The following KIAA1328 variants were observed in gnomAD, a reference collection of about 807,000 sequenced individuals.
KIAA1328 encodes the protein KIAA1328.
A neutral mutation model predicts 68.1 loss-of-function variants in KIAA1328; 52 were observed. The observed-to-expected ratio is 0.76, with a 90% CI of 0.61 to 0.96. The LOEUF (loss-of-function observed/expected upper bound fraction) is 0.96, where lower values mean the gene tolerates loss of function less well. Among genes scored for constraint, KIAA1328 ranks in the 40% least tolerant of loss-of-function variants. The pLI is 0.00. For missense variants in KIAA1328, 641 were observed against 677.6 expected, an observed-to-expected ratio of 0.95 and a Z score of 0.60; for synonymous variants, 232 against 239.4, an observed-to-expected ratio of 0.97 and a Z score of 0.28.
chr18:37,170,910 A>C (rs1450752853), intron 8 of KIAA1328, among the ~76,000 whole-genome samples: 2 of 152,202 alleles, frequency 1.3e-5, no homozygotes, highest in Admixed American at 1.3e-4. Flanking sequence ...GGCTAGGACC[A>C]GACTAAGGCC....
intron 6 of KIAA1328, among the ~76,000 whole-genome samples, chr18:37,020,219 G>A (rs117226752): frequency 3.0e-4 from 45 of 152,122 alleles, no homozygotes; most frequent in African/African-American, 8.0e-4. Context: ...TGCCTCCCGC[G>A]TTGAGCGATC....
chr18:37,000,124 G>A (rs1383322073), intron 6 of KIAA1328, among the ~76,000 whole-genome samples: 2 of 152,002 alleles, frequency 1.3e-5, no homozygotes, highest in East Asian at 3.9e-4. Context: ...CACCTAACTT[G>A]TAAAGACACA....
intron 6 of KIAA1328, among the ~76,000 whole-genome samples, chr18:36,979,097 T>C (rs1391462180): frequency 6.6e-6 from 1 of 152,082 alleles, no homozygotes; most frequent in African/African-American, 2.4e-5. Context: ...AGTTCAAGGC[T>C]ACAGTGAGCT....
chr18:36,914,912 A>G (rs997511191), intron 5 of KIAA1328, among the ~76,000 whole-genome samples: 1 of 152,186 alleles, frequency 6.6e-6, no homozygotes, highest in Admixed American at 6.5e-5. Context: ...TTATGAAAGA[A>G]ATGAACAGAT....
intron 6 of KIAA1328, among the ~76,000 whole-genome samples, chr18:36,963,644 T>C (rs1402859043): frequency 1.3e-5 from 2 of 152,234 alleles, no homozygotes; most frequent in African/African-American, 4.8e-5. Flanking sequence ...TTGTGAATAC[T>C]GTAAACCTCA....
intron 7 of KIAA1328, among the ~76,000 whole-genome samples, chr18:37,100,910 G>T (rs912711982): frequency 6.6e-6 from 1 of 152,166 alleles, no homozygotes; most frequent in African/African-American, 2.4e-5. Flanking sequence ...AGGCAAACAG[G>T]GTCTGGAGTG....
At chr18:37,006,911 T>A (rs940630925) in intron 6 of KIAA1328, among the ~76,000 whole-genome samples, 4 of 152,194 alleles carry the variant, frequency 2.6e-5, no homozygotes, top group African/African-American at 9.7e-5. Flanking sequence ...CAGTTTTTGT[T>A]ATGACTCACA....
rs1000169127 is a variant in KIAA1328, at chr18:37,078,059, T to C, written c.1232+10514T>C. Among the ~76,000 whole-genome samples, 372 of 152,272 alleles carry C rather than the reference T, an allele frequency of 2.4e-3. 1 individual carries two copies. The highest frequency in any genetic ancestry group is 8.4e-3 in the African/African-American group (351 of 41,552). ...CAAAAGAACAAAGCTGGAGGCATCA[T>C]GCTACCTGACTTCAAAGTATACTAC... On this transcript the variant is annotated intron_variant, in intron 7 of 9. Transcript: ENST00000280020.
At chr18:36,922,613 A>G (rs1289886923) in intron 5 of KIAA1328, among the ~76,000 whole-genome samples, 1 of 152,156 alleles carries the variant, frequency 6.6e-6, no homozygotes, top group Non-Finnish European at 1.5e-5. Flanking sequence ...TGGCTGGCCT[A>G]TGAATGCCAT....
At chr18:36,901,629 G>A (rs1371751073) in intron 5 of KIAA1328, among the ~76,000 whole-genome samples, 3 of 152,020 alleles carry the variant, frequency 2.0e-5, no homozygotes, top group African/African-American at 4.8e-5. Flanking sequence ...AGCTCAGGGC[G>A]GCATTTTACT....
intron 5 of KIAA1328, among the ~76,000 whole-genome samples, chr18:36,936,771 C>T (rs2050515620): frequency 6.6e-6 from 1 of 152,168 alleles, no homozygotes; most frequent in African/African-American, 2.4e-5. Context: ...GCCTTGCCAA[C>T]ATCTGTTGTT....
chr18:37,150,219 A>T lies in KIAA1328; in HGVS notation c.1233-9981A>T, dbSNP rs191841200. 9.2e-4 allele frequency among the ~76,000 whole-genome samples: 140 copies of T among 152,308 alleles called. 1 individual carries two copies. In the South Asian group the frequency reaches 9.9e-3, roughly 11 times the overall value. On this transcript the variant is annotated intron_variant, in intron 7 of 9. Transcript: ENST00000280020. ...ATCAATCTTACACAAATTATTTCAG[A>T]GACTAGAACAGGGTGTCTCAGCCTT...
chr18:37,208,387 T>G (rs2060255505), intron 9 of KIAA1328, among the ~76,000 whole-genome samples: 1 of 152,220 alleles, frequency 6.6e-6, no homozygotes, highest in African/African-American at 2.4e-5. Context: ...TAAAGTCTTT[T>G]GAATTGAGAG....
chr18:36,905,052 T>A (rs1438750692), intron 5 of KIAA1328, among the ~76,000 whole-genome samples: 3 of 151,618 alleles, frequency 2.0e-5, no homozygotes, highest in Admixed American at 6.6e-5. Context: ...TTTATTTTTA[T>A]TTTTGTTAAA....
chr18:36,939,015 A>G (rs1214357002), intron 5 of KIAA1328, among the ~76,000 whole-genome samples: 2 of 152,136 alleles, frequency 1.3e-5, no homozygotes, highest in Admixed American at 1.3e-4. Context: ...ATTCGAAGTC[A>G]TACAGTGTTA....
intron 9 of KIAA1328, among the ~76,000 whole-genome samples, chr18:37,188,792 A>G (rs2059849788): frequency 1.3e-5 from 2 of 152,204 alleles, no homozygotes; most frequent in Admixed American, 1.3e-4. Flanking sequence ...CATGGCATTG[A>G]CTTTTATTCA....
At chr18:36,922,189 T>A (rs1437404672) in intron 5 of KIAA1328, among the ~76,000 whole-genome samples, 1 of 152,174 alleles carries the variant, frequency 6.6e-6, no homozygotes, top group Non-Finnish European at 1.5e-5. Flanking sequence ...ATTCTTAGGT[T>A]TTTCCAAGTA....
intron 7 of KIAA1328, among the ~76,000 whole-genome samples, chr18:37,159,085 C>A (rs1398639734): frequency 6.6e-6 from 1 of 151,666 alleles, no homozygotes; most frequent in African/African-American, 2.4e-5. Context: ...TATACATTTT[C>A]TTGTGCCTAC....
At chr18:36,985,081 T>C (rs1196309858) in intron 6 of KIAA1328, among the ~76,000 whole-genome samples, 2 of 151,972 alleles carry the variant, frequency 1.3e-5, no homozygotes, top group African/African-American at 4.8e-5. Context: ...GCAGGAGGAT[T>C]ACTTGAGGGT....
Sources: gnomAD v4.1 joint callset for allele counts (sites outside exome capture counted in the v4.1 genomes callset) on GRCh38, gnomAD v4.1.1 for gene constraint, MANE v1.5 for transcripts, NCBI Gene and HGNC (gene_info 2026-07-23, HGNC 2026-07-21) for gene names.